Variants in MSI1 observed in about 807,000 individuals in gnomAD.
The protein encoded by MSI1 is RNA-binding protein Musashi homolog 1.
In MSI1, 15 loss-of-function variants were observed where a neutral mutation model predicts 54.4. The observed-to-expected ratio is 0.28, with a 90% CI of 0.18 to 0.42. MSI1 has a LOEUF of 0.42. Ranked by LOEUF, MSI1 falls within the 20% of genes least tolerant of loss-of-function variation. The pLI is 1.00. For missense variants in MSI1, 304 were observed against 506.0 expected (o/e 0.60, Z 3.83); for synonymous variants, 200 against 196.5 (o/e 1.02, Z -0.15).
In MSI1 at chr12:120,368,758, G is replaced by T; in HGVS notation, c.100+75C>A. On this transcript the variant is annotated intron_variant, in intron 2 of 14. Coordinates refer to ENST00000257552, the MANE Select transcript of MSI1 (RefSeq NM_002442.4). This position sits in a 1 kb window ranked among gnomAD's most constrained non-coding sequence, Gnocchi z 6.6. ...GGTCAGCAGGGCGCAGGGCCGGGCT[G>T]GGGTGTCCGGGTCCGGGGCGCCGGG... The T allele has an allele frequency of 7.0e-6, 9 of 1,286,096 alleles. No homozygotes were observed. Among genetic ancestry groups the T allele is most frequent in the Non-Finnish European group, 9.1e-6 (9 of 994,282 alleles). 79.7% of individuals were successfully genotyped at this position (1,286,096 alleles called of 1,614,324 possible).
intron 11 of MSI1, among the ~76,000 whole-genome samples, chr12:120,349,173 G>T (rs1030435391): frequency 1.4e-5 from 2 of 147,218 alleles, no homozygotes; most frequent in Non-Finnish European, 3.0e-5. Context: ...TCAGCTCACT[G>T]CGACCTCTGC....
At chr12:120,350,952 C>T (rs2136922788) in intron 11 of MSI1, among the ~76,000 whole-genome samples, 1 of 152,286 alleles carries the variant, frequency 6.6e-6, no homozygotes, top group African/African-American at 2.4e-5. Context: ...CGGCAAGAGT[C>T]AGCTGGCACC....
chr12:120,358,533 A>C (rs1875336919), intron 7 of MSI1, among the ~76,000 whole-genome samples: 2 of 152,344 alleles, frequency 1.3e-5, no homozygotes, highest in South Asian at 4.1e-4. Flanking sequence ...GATTTCTCAG[A>C]AGGTAAGGCC....
At position 120,359,616 on chromosome 12, in the gene MSI1, G is replaced by GGGGAA. The variant is rs1269329711; in HGVS notation, c.403-568_403-564dup. On this transcript the variant is annotated intron_variant, in intron 6 of 14. Coordinates refer to ENST00000257552, the MANE Select transcript of MSI1 (RefSeq NM_002442.4). ...GGGCTGCTTTGCCTCCCACTGACTG[G>GGGGAA]GGGAAGGGAAGGAGACTGGGAAAGG... Among the ~76,000 whole-genome samples, 5 of 152,102 alleles carry GGGGAA rather than the reference G, an allele frequency of 3.3e-5. No homozygotes were observed. In the East Asian group the frequency reaches 9.6e-4, roughly 29 times the overall value.
chr12:120,340,156 G>A (rs1873620285), downstream of MSI1, among the ~76,000 whole-genome samples: 1 of 149,580 alleles, frequency 6.7e-6, no homozygotes, highest in Non-Finnish European at 1.5e-5. Context: ...GCGCGACCTT[G>A]GCTCACTGCA....
In MSI1 at chr12:120,356,912, G is replaced by T; in HGVS notation, c.642C>A (p.Ile214=). The change falls in exon 9 of 15, where the codon ATC becomes ATA. Residue 214 remains isoleucine, a synonymous_variant. Transcript: ENST00000257552. ...PYGMDAFMLG[I]GMLGYPGFQA... ...CAGGCTCGCGCATACCCAGCATGCC[G>T]ATGCCCAGCATGAAGGCGTCCATTC... 6.2e-7 allele frequency: 1 copy of T among 1,613,892 alleles called. No individual in the cohort carries two copies. Among genetic ancestry groups the T allele is most frequent in the East Asian group, 2.2e-5 (1 of 44,890 alleles).
intron 4 of MSI1, among the ~76,000 whole-genome samples, chr12:120,367,145 T>A (rs998635275): frequency 2.0e-5 from 3 of 152,004 alleles, no homozygotes; most frequent in Non-Finnish European, 4.4e-5. Flanking sequence ...CAGCTATTGT[T>A]GCAGGTAAAC....
intron 9 of MSI1, among the ~76,000 whole-genome samples, chr12:120,355,402 C>CAAAAA (rs34596687): frequency 9.6e-6 from 1 of 104,494 alleles, no homozygotes; most frequent in African/African-American, 3.6e-5. Context: ...GACTCCGTCT[C>CAAAAA]AAAAAAAAAA....
At chr12:120,356,123 G>A (rs1379515867) in intron 9 of MSI1, among the ~76,000 whole-genome samples, 1 of 152,144 alleles carries the variant, frequency 6.6e-6, no homozygotes, top group Admixed American at 6.5e-5. Context: ...GGTGGGTTTA[G>A]GGGCCTCCCA....
chr12:120,355,402 C>CA lies in MSI1; in HGVS notation c.652+1499dup, dbSNP rs34596687. 2.0e-3 allele frequency among the ~76,000 whole-genome samples: 204 copies of CA among 104,410 alleles called. 2 individuals carry two copies. Among genetic ancestry groups the CA allele is most frequent in the African/African-American group, 3.9e-3 (108 of 27,558 alleles). 68.5% of individuals were successfully genotyped at this position (104,410 alleles called of 152,430 possible). ...CCTGCGAAAGAGTGAGACTCCGTCT[C>CA]AAAAAAAAAAAAAAAAAGAAAGAAA... On this transcript the variant is annotated intron_variant, in intron 9 of 14. Transcript: ENST00000257552.
At chr12:120,358,976 C>A in intron 7 of MSI1, 29 bp downstream of exon 7, 4 of 1,563,098 alleles carry the variant, frequency 2.6e-6, no homozygotes, top group Non-Finnish European at 3.5e-6. Flanking sequence ...CGGGGCCCAG[C>A]CTGGGAAGGG....
At chr12:120,359,188 G>A (rs1875418245) in intron 6 of MSI1, 135 bp from the exon 7 acceptor site, 1 of 1,030,754 alleles carries the variant, frequency 9.7e-7, no homozygotes, top group Admixed American at 2.2e-5. Flanking sequence ...CTGCACAGGG[G>A]ACAACTTTCC....
In MSI1 at chr12:120,341,535, T is replaced by C. The variant is rs1283406263; in HGVS notation, c.*1592A>G. 2 of 149,120 alleles carry C rather than the reference T, an allele frequency of 1.3e-5. No individual in the cohort carries two copies. Among genetic ancestry groups the C allele is most frequent in the African/African-American group, 5.0e-5 (2 of 40,196 alleles). 9.2% of individuals were successfully genotyped at this position (149,120 alleles called of 1,614,324 possible). ...GAGCCCATGGTTGGGCCCAGTGGGGTGGAAGGGTCCGGGAATGAGGGAGAG... is the reference window on the plus strand; with the variant it reads ...GAGCCCATGGTTGGGCCCAGTGGGGCGGAAGGGTCCGGGAATGAGGGAGAG... On this transcript the variant is annotated 3_prime_UTR_variant, in exon 15 of 15. Transcript: ENST00000257552.
intron 4 of MSI1, 61 bp downstream of exon 4, chr12:120,367,947 A>G: frequency 6.6e-7 from 1 of 1,505,280 alleles, no homozygotes; most frequent in Non-Finnish European, 9.1e-7. Flanking sequence ...GAGAGTCCTG[A>G]CCCTCTCCTC....
chr12:120,368,625 A>G lies in MSI1; in HGVS notation c.100+208T>C, dbSNP rs1209851334. On this transcript the variant is annotated intron_variant, in intron 2 of 14. Coordinates refer to ENST00000257552, the MANE Select transcript of MSI1 (RefSeq NM_002442.4). The surrounding 1 kb of genome is among the most constrained non-coding windows in gnomAD (Gnocchi z 6.6). ...CCAGCCCACCCCCCGATACCCCCTG[A>G]ACCCCTCATCTGCTCCCCTCCACCC... Among the ~76,000 whole-genome samples the G allele has an allele frequency of 6.6e-6, 1 of 151,434 alleles. No homozygotes were observed. Among genetic ancestry groups the G allele is most frequent in the African/African-American group, 2.4e-5 (1 of 41,234 alleles).
At chr12:120,343,439 G>C (rs1411186973) in intron 14 of MSI1, among the ~76,000 whole-genome samples, 1 of 152,096 alleles carries the variant, frequency 6.6e-6, no homozygotes, top group Non-Finnish European at 1.5e-5. Context: ...GCCCAGGCTA[G>C]TCTCAAACTC....
chr12:120,354,340 G>T (rs1372998067), intron 9 of MSI1, among the ~76,000 whole-genome samples: 1 of 152,060 alleles, frequency 6.6e-6, no homozygotes, highest in Non-Finnish European at 1.5e-5. Flanking sequence ...CCAATAGTTA[G>T]CAATAATGGT....
Position 120,368,815 on chromosome 12 carries a change from G to C in MSI1, c.100+18C>G, listed in dbSNP as rs2136998095. On this transcript the variant is annotated intron_variant, in intron 2 of 14. Coordinates refer to ENST00000257552, the MANE Select transcript of MSI1 (RefSeq NM_002442.4). The surrounding 1 kb of genome is among the most constrained non-coding windows in gnomAD (Gnocchi z 6.6). Reference sequence around the variant, plus strand: ...GGGGTGCCCTGCCGGACCGGCGGGCGCTCCCGGGCTCGCTCACCCTGCGTA... The same window carrying C: ...GGGGTGCCCTGCCGGACCGGCGGGCCCTCCCGGGCTCGCTCACCCTGCGTA... 1 of 1,408,552 alleles carries C rather than the reference G, an allele frequency of 7.1e-7. No individual in the cohort carries two copies. Among genetic ancestry groups the C allele is most frequent in the Non-Finnish European group, 9.4e-7 (1 of 1,066,442 alleles). The allele number at this position is 1,408,552 out of a possible 1,614,324, so 87.3% of individuals were successfully genotyped here. A position where few individuals can be genotyped will look rare whatever the true frequency, so the allele number is the denominator to read the frequency against.
At chr12:120,344,923 C>T (rs1873983378) in intron 14 of MSI1, among the ~76,000 whole-genome samples, 1 of 146,284 alleles carries the variant, frequency 6.8e-6, no homozygotes, top group Non-Finnish European at 1.5e-5. Flanking sequence ...GGCTGAGACA[C>T]GAGAATTGCT....
Sources: allele counts gnomAD v4.1 joint callset (sites outside exome capture counted in the v4.1 genomes callset), GRCh38; gene constraint gnomAD v4.1.1; non-coding constraint Gnocchi (gnomAD v3.1); transcripts MANE v1.5; gene names NCBI Gene and HGNC (gene_info 2026-07-23, HGNC 2026-07-21).